CDK19: variants seen among roughly 807,000 people sequenced by gnomAD.
The protein encoded by CDK19 is cyclin-dependent kinase 19.
Under a neutral mutation model 68.3 loss-of-function variants are expected in CDK19, and 20 were observed. The observed-to-expected ratio is 0.29, with a 90% CI of 0.21 to 0.43. The LOEUF is 0.43. CDK19 is among the 20% of genes least tolerant of loss of function. The pLI, the probability that CDK19 is intolerant of heterozygous loss-of-function variation, is 1.00. For missense variants in CDK19, 339 were observed against 623.5 expected, an observed-to-expected ratio of 0.54 and a Z score of 4.86; for synonymous variants, 221 against 222.8, an observed-to-expected ratio of 0.99 and a Z score of 0.07.
In CDK19 at chr6:110,670,439, C is replaced by A; in HGVS notation, c.307G>T (p.Asp103Tyr). 6.3e-7 allele frequency: 1 copy of A among 1,578,304 alleles called. No homozygotes were observed. Among genetic ancestry groups the A allele is most frequent in the South Asian group, 1.1e-5 (1 of 90,338 alleles). ...AGTGAGATTATACTTACCCACAAGT[C>A]ATGCTCTGCATAATCAAACAGCAGC... is the stretch of plus-strand genomic sequence containing the variant. ...VWLLFDYAEHDLWHIIKFHRA... is the reference protein window; with the variant it reads ...VWLLFDYAEHYLWHIIKFHRA... Residue 103 changes from aspartate to tyrosine, a missense_variant, in exon 3 of 13, where the codon GAC becomes TAC. This residue lies in a region of CDK19 where 120 missense variants were observed against 224.0 expected (regional missense o/e 0.54). Transcript: ENST00000368911.
At chr6:110,702,834 A>G (rs999592271) in intron 2 of CDK19, among the ~76,000 whole-genome samples, 1 of 152,206 alleles carries the variant, frequency 6.6e-6, no homozygotes. Context: ...CATTTTTACT[A>G]GCTACTTTTG....
chr6:110,631,512 A>G (rs1020573210), intron 6 of CDK19, among the ~76,000 whole-genome samples: 1 of 152,244 alleles, frequency 6.6e-6, no homozygotes, highest in African/African-American at 2.4e-5. Context: ...CGCTGAGCAC[A>G]GCTAATCTAC....
At position 110,776,670 on chromosome 6, in the gene CDK19, C is replaced by A. The variant is rs567029780; in HGVS notation, c.129-30469G>T. On this transcript the variant is annotated intron_variant, in intron 1 of 12. Coordinates refer to ENST00000368911, the MANE Select transcript of CDK19 (RefSeq NM_015076.5). ...GTATCTTCTCTTAATTCCCAAACAG[C>A]CTTCTAGACTGCACCCTCCTCTAAA... is the stretch of plus-strand genomic sequence containing the variant. Among the ~76,000 whole-genome samples the A allele has an allele frequency of 2.6e-4, 39 of 152,264 alleles. No individual in the cohort carries two copies. In the South Asian group the frequency reaches 7.5e-3, roughly 29 times the overall value.
At chr6:110,744,994 C>A (rs1056433502) in intron 2 of CDK19, among the ~76,000 whole-genome samples, 3 of 152,006 alleles carry the variant, frequency 2.0e-5, no homozygotes, top group Non-Finnish European at 4.4e-5. Flanking sequence ...CTAATGGATA[C>A]GGACAATATA....
chr6:110,804,872 C>A (rs1025055520), intron 1 of CDK19, among the ~76,000 whole-genome samples: 1 of 151,592 alleles, frequency 6.6e-6, no homozygotes, highest in Non-Finnish European at 1.5e-5. Flanking sequence ...AGTAGAATGG[C>A]GTGAACCCAG....
chr6:110,780,877 T>G (rs973742460), intron 1 of CDK19, among the ~76,000 whole-genome samples: 2 of 152,106 alleles, frequency 1.3e-5, no homozygotes, highest in Non-Finnish European at 2.9e-5. Flanking sequence ...ACTTTTAAAA[T>G]TTTTTAAAGG....
chr6:110,813,756 C>T (rs1444438630), intron 1 of CDK19: 1 of 152,220 alleles, frequency 6.6e-6, no homozygotes, highest in Non-Finnish European at 1.5e-5. Context: ...ACACAACGTA[C>T]TTTAGTCCTA....
intron 1 of CDK19, among the ~76,000 whole-genome samples, chr6:110,785,708 C>T (rs751254996): frequency 1.3e-5 from 2 of 151,974 alleles, no homozygotes; most frequent in African/African-American, 4.8e-5. Flanking sequence ...AGGCCGGGCG[C>T]GGTGGCTCAC....
intron 4 of CDK19, among the ~76,000 whole-genome samples, chr6:110,655,697 A>G (rs550100012): frequency 1.3e-5 from 2 of 152,032 alleles, no homozygotes; most frequent in South Asian, 4.2e-4. Flanking sequence ...CCTCCTCTCA[A>G]TTTGGATCAC....
intron 6 of CDK19, among the ~76,000 whole-genome samples, chr6:110,629,236 A>G (rs771306944): frequency 6.6e-6 from 1 of 152,206 alleles, no homozygotes; most frequent in Non-Finnish European, 1.5e-5. Context: ...GTACATTCAA[A>G]GGTTTTCTGC....
chr6:110,805,135 T>C (rs1443506402), intron 1 of CDK19, among the ~76,000 whole-genome samples: 1 of 152,140 alleles, frequency 6.6e-6, no homozygotes, highest in Admixed American at 6.6e-5. Flanking sequence ...ACAGTGCACA[T>C]TCAAAACAGC....
At chr6:110,694,149 T>A (rs1562204562) in intron 2 of CDK19, among the ~76,000 whole-genome samples, 1 of 149,424 alleles carries the variant, frequency 6.7e-6, no homozygotes, top group Non-Finnish European at 1.5e-5. Context: ...ATCTCCATAC[T>A]AATGTTGAAT....
At chr6:110,683,516 T>C (rs995539294) in intron 2 of CDK19, among the ~76,000 whole-genome samples, 1 of 152,164 alleles carries the variant, frequency 6.6e-6, no homozygotes, top group South Asian at 2.1e-4. Flanking sequence ...AAAATGGCTA[T>C]ATGAAAGTTA....
intron 4 of CDK19, among the ~76,000 whole-genome samples, chr6:110,654,983 G>C (rs1483608918): frequency 6.6e-6 from 1 of 151,674 alleles, no homozygotes; most frequent in Non-Finnish European, 1.5e-5. Flanking sequence ...GAAGTTGAAG[G>C]AAACTAGAAT....
At chr6:110,744,495 G>A (rs2114869526) in intron 2 of CDK19, among the ~76,000 whole-genome samples, 1 of 152,188 alleles carries the variant, frequency 6.6e-6, no homozygotes, top group East Asian at 1.9e-4. Context: ...TTAAGCCACT[G>A]CACTCCAGCC....
At position 110,612,094 on chromosome 6, in the gene CDK19, A is replaced by G. The variant is rs1778057185; in HGVS notation, c.*2441T>C. 6.6e-6 allele frequency: 1 copy of G among 152,254 alleles called. No homozygotes were observed. The highest frequency in any genetic ancestry group is 2.1e-4 in the South Asian group (1 of 4,836). 9.4% of individuals were successfully genotyped at this position (152,254 alleles called of 1,614,324 possible). A position where few individuals can be genotyped will look rare whatever the true frequency, so the allele number is the denominator to read the frequency against. ...CTGTGAATGTATAAGCGTAAGAACT[A>G]TTTAACAATGCTGCTTATAAAGTAT... On this transcript the variant is annotated 3_prime_UTR_variant, in exon 13 of 13. Transcript: ENST00000368911.
chr6:110,741,604 A>G (rs1777674056), intron 2 of CDK19, among the ~76,000 whole-genome samples: 1 of 152,100 alleles, frequency 6.6e-6, no homozygotes, highest in Non-Finnish European at 1.5e-5. Context: ...ACCAAGACAC[A>G]TCATAGGCAA....
chr6:110,758,491 G>C (rs1346525297), intron 1 of CDK19, among the ~76,000 whole-genome samples: 4 of 152,164 alleles, frequency 2.6e-5, no homozygotes, highest in Admixed American at 2.0e-4. Flanking sequence ...AAATGAGGAA[G>C]GAGACTATCT....
At chr6:110,709,499 G>A (rs1444997770) in intron 2 of CDK19, among the ~76,000 whole-genome samples, 19 of 105,954 alleles carry the variant, frequency 1.8e-4, no homozygotes, top group Non-Finnish European at 2.0e-5. Context: ...AGAACTTAAA[G>A]TATAATTAAA....
Sources: gnomAD v4.1 joint callset for allele counts (sites outside exome capture counted in the v4.1 genomes callset) on GRCh38, gnomAD v4.1.1 for gene constraint, gnomAD v4.1.1 regional missense constraint, MANE v1.5 for transcripts, NCBI Gene and HGNC (gene_info 2026-07-23, HGNC 2026-07-21) for gene names.